Variants in INO80C observed in about 807,000 individuals in gnomAD.
The protein encoded by INO80C is IES6 homolog.
Under a neutral mutation model 17.7 loss-of-function variants are expected in INO80C, and 17 were observed. That is an observed-to-expected ratio of 0.96 (90% CI 0.66 to 1.44). INO80C has a LOEUF of 1.44. INO80C is among the 40% of genes most tolerant of loss of function. INO80C has a pLI of 0.00. For missense variants in INO80C, 244 were observed against 245.0 expected (o/e 1.00, Z 0.03); for synonymous variants, 96 against 95.8 (o/e 1.00, Z -0.01).
intron 4 of INO80C, among the ~76,000 whole-genome samples, chr18:35,470,096 T>C (rs745360481): frequency 7.2e-5 from 11 of 152,158 alleles, no homozygotes; most frequent in Admixed American, 3.9e-4. Flanking sequence ...ACAGATAACA[T>C]CCAATTATTC....
At chr18:35,488,875 T>C (rs984302225) in intron 1 of INO80C, among the ~76,000 whole-genome samples, 2 of 152,204 alleles carry the variant, frequency 1.3e-5, no homozygotes, top group Non-Finnish European at 2.9e-5. Context: ...GCTTAGAAAT[T>C]TCTTCTGCCA....
chr18:35,473,857 G>C (rs2045699354), intron 4 of INO80C, among the ~76,000 whole-genome samples: 1 of 152,092 alleles, frequency 6.6e-6, no homozygotes, highest in South Asian at 2.1e-4. Flanking sequence ...AGTTAAAGGA[G>C]CTTGGGAAAC....
At chr18:35,478,442 C>A in intron 3 of INO80C, 93 bp from the exon 4 acceptor site, 1 of 1,009,568 alleles carries the variant, frequency 9.9e-7, no homozygotes, top group South Asian at 1.7e-5. Context: ...TGATAATATT[C>A]CTGAAAATTT....
intron 1 of INO80C, among the ~76,000 whole-genome samples, chr18:35,492,811 T>G (rs1182858887): frequency 6.6e-6 from 1 of 152,226 alleles, no homozygotes; most frequent in Non-Finnish European, 1.5e-5. Flanking sequence ...ATGAAGAGGC[T>G]ATTAAGTAAC....
At chr18:35,477,657 C>CTGAG (rs1567981049) in intron 4 of INO80C, among the ~76,000 whole-genome samples, 2 of 152,176 alleles carry the variant, frequency 1.3e-5, no homozygotes, top group Non-Finnish European at 2.9e-5. Context: ...TGGGGGTGTT[C>CTGAG]TGAGGTTCCT....
rs75395031 is a variant in INO80C at position 35,494,950 on chromosome 18, A to G, written c.156+2769T>C. ...AAGCATACTGCTGGGGATGGAACAG[A>G]AACAGTACAATAAATTACTGCTACA... On this transcript the variant is annotated intron_variant, in intron 1 of 4. Coordinates refer to ENST00000334598, the MANE Select transcript of INO80C (RefSeq NM_194281.4). Among the ~76,000 whole-genome samples, 855 of 152,356 alleles carry G rather than the reference A, an allele frequency of 5.6e-3. 5 individuals are homozygous for G. Among genetic ancestry groups the G allele is most frequent in the African/African-American group, 0.02 (824 of 41,580 alleles).
chr18:35,493,509 A>AAGT (rs2045951622), intron 1 of INO80C, among the ~76,000 whole-genome samples: 1 of 152,212 alleles, frequency 6.6e-6, no homozygotes, highest in Non-Finnish European at 1.5e-5. Flanking sequence ...TGATAAAACA[A>AAGT]AGTTGTTTTT....
At chr18:35,492,489 TATA>T (rs1051775813) in intron 1 of INO80C, among the ~76,000 whole-genome samples, 32 of 152,124 alleles carry the variant, frequency 2.1e-4, no homozygotes, top group Non-Finnish European at 7.4e-5. Flanking sequence ...AAACACAAAT[TATA>T]ATAGTTGTTG....
At chr18:35,495,771 C>T (rs2045974821) in intron 1 of INO80C, among the ~76,000 whole-genome samples, 1 of 152,088 alleles carries the variant, frequency 6.6e-6, no homozygotes. Context: ...ATACATCTGG[C>T]AAAGGAGTCT....
intron 1 of INO80C, among the ~76,000 whole-genome samples, chr18:35,485,831 A>G (rs1055464449): frequency 2.6e-5 from 4 of 152,258 alleles, no homozygotes; most frequent in African/African-American, 9.6e-5. Context: ...ATGAAGAGAT[A>G]AAATGTGGCA....
intron 1 of INO80C, among the ~76,000 whole-genome samples, chr18:35,484,481 C>T (rs949892844): frequency 6.6e-6 from 1 of 152,170 alleles, no homozygotes; most frequent in African/African-American, 2.4e-5. Context: ...GTTCTGCATC[C>T]ATGGATTCAA....
chr18:35,473,739 A>T (rs2045698201), intron 4 of INO80C, among the ~76,000 whole-genome samples: 1 of 152,134 alleles, frequency 6.6e-6, no homozygotes, highest in Admixed American at 6.5e-5. Context: ...TGGGAAAAAA[A>T]ATCATGCCCT....
At chr18:35,486,765 A>T (rs1218818783) in intron 1 of INO80C, among the ~76,000 whole-genome samples, 1 of 150,328 alleles carries the variant, frequency 6.7e-6, no homozygotes, top group Non-Finnish European at 1.5e-5. Context: ...AGCCCAGGCA[A>T]CATAGCAATA....
At chr18:35,470,907 C>CCAA (rs1470050170) in intron 4 of INO80C, among the ~76,000 whole-genome samples, 2 of 152,222 alleles carry the variant, frequency 1.3e-5, no homozygotes, top group African/African-American at 4.8e-5. Context: ...TAAGCAAACG[C>CCAA]CAACTTCCCA....
Position 35,478,354 on chromosome 18 carries a change from G to GAAAAAA in INO80C, c.380-11_380-6dup. 1 of 1,279,458 alleles carries GAAAAAA rather than the reference G, an allele frequency of 7.8e-7. No individual in the cohort carries two copies. Among genetic ancestry groups the GAAAAAA allele is most frequent in the South Asian group, 1.5e-5 (1 of 67,946 alleles). The allele number at this position is 1,279,458 out of a possible 1,614,324, so 79.3% of individuals were successfully genotyped here. A position where few individuals can be genotyped will look rare whatever the true frequency, so the allele number is the denominator to read the frequency against. ...GAGGAGCATCAATACTGAAGTCTGG[G>GAAAAAA]AAAAAAAAAAAAAAAAGATAACTAA... is the stretch of plus-strand genomic sequence containing the variant. On this transcript the variant is annotated splice_region_variant and splice_polypyrimidine_tract_variant and intron_variant, in intron 3 of 4. Coordinates refer to ENST00000334598, the MANE Select transcript of INO80C (RefSeq NM_194281.4).
chr18:35,479,781 A>G (rs562587643), intron 2 of INO80C, among the ~76,000 whole-genome samples: 38 of 152,092 alleles, frequency 2.5e-4, no homozygotes, highest in African/African-American at 8.9e-4. Flanking sequence ...CCAGGACTGC[A>G]TCTCTCAACT....
At chr18:35,489,843 T>G (rs1286383536) in intron 1 of INO80C, among the ~76,000 whole-genome samples, 1 of 152,192 alleles carries the variant, frequency 6.6e-6, no homozygotes, top group Non-Finnish European at 1.5e-5. Flanking sequence ...GGCCTCTGCA[T>G]GTGGGCATCT....
chr18:35,476,486 T>C (rs1378063390), intron 4 of INO80C, among the ~76,000 whole-genome samples: 1 of 152,258 alleles, frequency 6.6e-6, no homozygotes, highest in East Asian at 1.9e-4. Context: ...GCACTTTCTA[T>C]ACTATTGTCT....
chr18:35,480,894 T>A (rs1385686508), intron 1 of INO80C, among the ~76,000 whole-genome samples: 2 of 152,210 alleles, frequency 1.3e-5, no homozygotes, highest in Non-Finnish European at 2.9e-5. Context: ...ATCCCCAGCA[T>A]ACAGAAAAGA....
Sources: gnomAD v4.1 joint callset for allele counts (sites outside exome capture counted in the v4.1 genomes callset) on GRCh38, gnomAD v4.1.1 for gene constraint, MANE v1.5 for transcripts, NCBI Gene and HGNC (gene_info 2026-07-23, HGNC 2026-07-21) for gene names.